Variants in GSE1 observed in about 807,000 individuals in gnomAD.
GSE1 encodes the protein genetic suppressor element 1.
A neutral mutation model predicts 112.6 loss-of-function variants in GSE1; 32 were observed. That is an observed-to-expected ratio of 0.28 (90% CI 0.21 to 0.38). GSE1 has a LOEUF of 0.38. Among genes scored for constraint, GSE1 ranks in the 10% least tolerant of loss-of-function variants. The pLI, the probability that GSE1 is intolerant of heterozygous loss-of-function variation, is 1.00. For synonymous variants in GSE1, 1,115 were observed against 735.6 expected, an observed-to-expected ratio of 1.52 and a Z score of -8.35; for missense variants, 2,348 against 1,699.2, an observed-to-expected ratio of 1.38 and a Z score of -6.71.
chr16:85,192,919 G>T lies in GSE1; in HGVS notation c.2283+21112G>T, dbSNP rs147424961. On this transcript the variant is annotated intron_variant, in intron 1 of 2. Transcript: ENST00000637419. ...GCCCTCGCAAACAAGAGTGACCCCT[G>T]TTCTTGGTTCTGCTGGCTGTGTGCC... Among the ~76,000 whole-genome samples, 763 of 152,338 alleles carry T rather than the reference G, an allele frequency of 5.0e-3. 5 individuals are homozygous for T. Among genetic ancestry groups the T allele is most frequent in the African/African-American group, 0.018 (729 of 41,586 alleles).
chr16:85,446,505 G>A (rs1429301744), intron 2 of GSE1, among the ~76,000 whole-genome samples: 2 of 152,184 alleles, frequency 1.3e-5, no homozygotes, highest in Non-Finnish European at 2.9e-5. Context: ...TGTTTGCCAG[G>A]AGCCCCCGGT....
Position 85,307,831 on chromosome 16 carries a change from A to T in GSE1, c.2284-49632A>T, listed in dbSNP as rs557784249. 1.1e-3 allele frequency among the ~76,000 whole-genome samples: 166 copies of T among 152,296 alleles called. 1 individual carries two copies. The highest frequency in any genetic ancestry group is 3.8e-3 in the African/African-American group (156 of 41,566). On this transcript the variant is annotated intron_variant, in intron 1 of 2. Transcript: ENST00000637419. ...CCCTCAGGTAAACAAAGACACTCTC[A>T]TCAGGCGGGACTCTTCAAGGGCCTA...
chr16:85,448,842 C>G (rs1237461155), intron 2 of GSE1, among the ~76,000 whole-genome samples: 1 of 152,254 alleles, frequency 6.6e-6, no homozygotes, highest in Non-Finnish European at 1.5e-5. Context: ...GAGCCTCTCC[C>G]AGGGCCTCCT....
intron 2 of GSE1, among the ~76,000 whole-genome samples, chr16:85,516,488 G>A (rs577567898): frequency 1.4e-4 from 20 of 147,126 alleles, no homozygotes; most frequent in Admixed American, 3.4e-4. Context: ...AAATTAGCCA[G>A]GCTTGGAGGA....
chr16:85,182,811 C>T (rs1201996468), intron 1 of GSE1, among the ~76,000 whole-genome samples: 2 of 152,058 alleles, frequency 1.3e-5, no homozygotes, highest in Non-Finnish European at 2.9e-5. Context: ...GGAGTGAAGC[C>T]CCTCCTGCCC....
chr16:85,396,901 A>G (rs1427446569), intron 2 of GSE1, among the ~76,000 whole-genome samples: 9 of 142,272 alleles, frequency 6.3e-5, no homozygotes, highest in Non-Finnish European at 1.5e-5. Context: ...GAGAGCAACA[A>G]AGAGACAGCG....
intron 2 of GSE1, among the ~76,000 whole-genome samples, chr16:85,647,894 C>A (rs1174418804): frequency 6.6e-6 from 1 of 152,122 alleles, no homozygotes; most frequent in Non-Finnish European, 1.5e-5. Context: ...CAGTGCTGAC[C>A]GCTTCTTGTG....
At chr16:85,248,408 C>T (rs879373563) in intron 1 of GSE1, among the ~76,000 whole-genome samples, 10 of 151,868 alleles carry the variant, frequency 6.6e-5, no homozygotes, top group Admixed American at 6.6e-4. Flanking sequence ...TTTCTGTTTC[C>T]TCTGTCTCTT....
chr16:85,566,990 CT>C (rs1389912916), intron 1 of GSE1, among the ~76,000 whole-genome samples: 1 of 152,122 alleles, frequency 6.6e-6, no homozygotes, highest in Admixed American at 6.5e-5. Context: ...GTGTCACGGC[CT>C]TTATCTTAGA....
At chr16:85,328,929 G>A (rs1484980274) in intron 1 of GSE1, among the ~76,000 whole-genome samples, 1 of 152,228 alleles carries the variant, frequency 6.6e-6, no homozygotes, top group Non-Finnish European at 1.5e-5. Flanking sequence ...GGAAGAGGAT[G>A]ACAGGGCCTG....
At chr16:85,249,516 C>T (rs533660051) in intron 1 of GSE1, among the ~76,000 whole-genome samples, 5 of 152,184 alleles carry the variant, frequency 3.3e-5, no homozygotes, top group Admixed American at 2.6e-4. Context: ...GTTCCGGGGG[C>T]GCGCCTCTCT....
At position 85,342,950 on chromosome 16, in the gene GSE1, C is replaced by T. The variant is rs150218645; in HGVS notation, c.2284-14513C>T. 5.4e-4 allele frequency among the ~76,000 whole-genome samples: 82 copies of T among 151,936 alleles called. 1 individual carries two copies. In the East Asian group the frequency reaches 0.014, roughly 26 times the overall value. On this transcript the variant is annotated intron_variant, in intron 1 of 2. Transcript: ENST00000637419. Reference sequence around the variant, plus strand: ...GAAAAGGGGGGCCAGCAGAGAAAGCCGGGCACAGGCTCTGAAGATAGGAGG... The same window carrying T: ...GAAAAGGGGGGCCAGCAGAGAAAGCTGGGCACAGGCTCTGAAGATAGGAGG...
At chr16:85,234,367 T>G (rs866742266) in intron 1 of GSE1, among the ~76,000 whole-genome samples, 4 of 152,132 alleles carry the variant, frequency 2.6e-5, no homozygotes, top group Non-Finnish European at 5.9e-5. Flanking sequence ...GGGGATCACA[T>G]GAGCACCACC....
chr16:85,234,326 G>C (rs1284919249), intron 1 of GSE1, among the ~76,000 whole-genome samples: 1 of 152,094 alleles, frequency 6.6e-6, no homozygotes, highest in Non-Finnish European at 1.5e-5. Context: ...GCCTCTCTGG[G>C]CTCCACCATC....
intron 2 of GSE1, among the ~76,000 whole-genome samples, chr16:85,477,821 A>C (rs1390206981): frequency 6.6e-6 from 1 of 151,808 alleles, no homozygotes; most frequent in African/African-American, 2.4e-5. Context: ...CGGCCTCCCA[A>C]AGTGTTGAGA....
chr16:85,528,316 GT>G (rs2052427265), intron 2 of GSE1, among the ~76,000 whole-genome samples: 1 of 124,114 alleles, frequency 8.1e-6, no homozygotes, highest in African/African-American at 3.8e-5. Flanking sequence ...GGTTGTTTTT[GT>G]TTGTTTGTTT....
chr16:85,634,958 G>GA (rs1052291794), intron 2 of GSE1, among the ~76,000 whole-genome samples: 7 of 152,110 alleles, frequency 4.6e-5, no homozygotes, highest in African/African-American at 7.2e-5. Context: ...CAGGCGGGGG[G>GA]GCTGAGGAAA....
chr16:85,570,596 G>T (rs578128529), intron 1 of GSE1, among the ~76,000 whole-genome samples: 1 of 152,370 alleles, frequency 6.6e-6, no homozygotes, highest in Admixed American at 6.5e-5. Context: ...AGGGCTCTCG[G>T]AGAGAGGTGG....
At chr16:85,313,627 G>C (rs1464689292) in intron 1 of GSE1, among the ~76,000 whole-genome samples, 1 of 152,332 alleles carries the variant, frequency 6.6e-6, no homozygotes, top group East Asian at 1.9e-4. Context: ...CCTAGGCTGG[G>C]GGGTGGGGAA....
Sources: allele counts gnomAD v4.1 joint callset (sites outside exome capture counted in the v4.1 genomes callset), GRCh38; gene constraint gnomAD v4.1.1; transcripts MANE v1.5; gene names NCBI Gene and HGNC (gene_info 2026-07-23, HGNC 2026-07-21).